WNK3: variants seen among roughly 807,000 people sequenced by gnomAD.
WNK3 encodes serine/threonine-protein kinase WNK3.
In WNK3, 18 loss-of-function variants were observed where a neutral mutation model predicts 116.7. That is an observed-to-expected ratio of 0.15 (90% CI 0.11 to 0.23). WNK3 has a LOEUF of 0.23. Ranked by LOEUF, WNK3 falls within the 10% of genes least tolerant of loss-of-function variation. The pLI, the probability that WNK3 is intolerant of heterozygous loss-of-function variation, is 1.00. For synonymous variants in WNK3, 404 were observed against 469.4 expected (o/e 0.86, Z 1.80); for missense variants, 993 against 1,323.8 (o/e 0.75, Z 3.88).
chrX:54,321,196 CA>C (rs1557172163), intron 2 of WNK3, among the ~76,000 whole-genome samples: 1 of 111,864 alleles, frequency 8.9e-6, no homozygotes, highest in African/African-American at 3.2e-5. Flanking sequence ...CGCCCCCAGC[CA>C]ATGTTTTATT....
chrX:54,214,962 A>G (rs2067666566), intron 22 of WNK3, among the ~76,000 whole-genome samples: 1 of 107,975 alleles, frequency 9.3e-6, no homozygotes, highest in Non-Finnish European at 1.9e-5. Flanking sequence ...GCAGTGAGCC[A>G]AGATCACGCC....
chrX:54,273,689 C>T (rs1557159943), intron 10 of WNK3, among the ~76,000 whole-genome samples: 1 of 111,733 alleles, frequency 8.9e-6, no homozygotes, highest in Non-Finnish European at 1.9e-5. Flanking sequence ...ATATGGAAAC[C>T]AAAGCTTCAA....
At chrX:54,286,208 A>C (rs189141552) in intron 10 of WNK3, among the ~76,000 whole-genome samples, 157 of 110,411 alleles carry the variant, frequency 1.4e-3, no homozygotes, top group East Asian at 3.9e-3. Context: ...AACAAACAAA[A>C]AAAAAAAGGT....
intron 10 of WNK3, among the ~76,000 whole-genome samples, chrX:54,275,325 T>C (rs782562084): frequency 2.8e-5 from 3 of 107,990 alleles, no homozygotes; most frequent in African/African-American, 1.0e-4. Context: ...CAGAAAAAAG[T>C]GGGAGTGGTA....
intron 10 of WNK3, among the ~76,000 whole-genome samples, chrX:54,276,322 G>A (rs1368561234): frequency 9.1e-6 from 1 of 109,927 alleles, no homozygotes; most frequent in Non-Finnish European, 1.9e-5. Flanking sequence ...GTGACAGAGC[G>A]AGACTCTGTC....
chrX:54,232,751 A>G, intron 21 of WNK3, 58 bp downstream of exon 21: 2 of 966,823 alleles, frequency 2.1e-6, no homozygotes, highest in Non-Finnish European at 2.9e-6. Context: ...TAATCATTTT[A>G]CTAATTTTGC....
At chrX:54,242,888 C>A (rs782334864) in intron 17 of WNK3, among the ~76,000 whole-genome samples, 1 of 111,916 alleles carries the variant, frequency 8.9e-6, no homozygotes, top group Admixed American at 9.5e-5. Flanking sequence ...ACCATCAAGA[C>A]AGTGAAAAGA....
rs1006114774 is a variant in WNK3, at chrX:54,293,053, G to C, written c.1888-16C>G. On this transcript the variant is annotated splice_polypyrimidine_tract_variant and intron_variant, in intron 9 of 23. Transcript: ENST00000354646. ...GCTTCTGTAACTGTTAAAATAAGGG[G>C]AAAAAAAGATTAAAGATAAACTTTC... 8.4e-7 allele frequency: 1 copy of C among 1,195,781 alleles called. No individual in the cohort carries two copies. Among genetic ancestry groups the C allele is most frequent in the African/African-American group, 1.8e-5 (1 of 55,886 alleles).
intron 22 of WNK3, among the ~76,000 whole-genome samples, chrX:54,206,948 G>C (rs1569535055): frequency 9.0e-6 from 1 of 111,297 alleles, no homozygotes; most frequent in East Asian, 2.8e-4. Flanking sequence ...AGAATTGCTT[G>C]AACCTGGGAG....
intron 10 of WNK3, among the ~76,000 whole-genome samples, chrX:54,285,863 G>T (rs192645519): frequency 2.1e-3 from 235 of 112,052 alleles, no homozygotes; most frequent in Non-Finnish European, 3.6e-3. Context: ...TCTAGTCAAT[G>T]ATATGTATTT....
intron 20 of WNK3, among the ~76,000 whole-genome samples, chrX:54,233,261 TA>T (rs782394068): frequency 0.044 from 3,399 of 76,842 alleles, 155 homozygotes; most frequent in African/African-American, 0.13. Context: ...CCTATCTCTC[TA>T]AAAAAAAAAA....
Position 54,352,592 on chromosome X carries a change from A to T in WNK3, c.-120+5094T>A, listed in dbSNP as rs2069532121. The stretch of plus-strand genomic sequence containing the variant: ...CTACTCAGGAGGCTGAGGTGGGAAG[A>T]TTGCCTCAGCCTGGGTGGTTGAAAC... On this transcript the variant is annotated intron_variant, in intron 1 of 23. Coordinates refer to ENST00000354646, the Ensembl canonical transcript of WNK3. 2.7e-5 allele frequency among the ~76,000 whole-genome samples: 3 copies of T among 111,268 alleles called. No homozygotes were observed. The Admixed American group carries it at 2.9e-4, about 11-fold the overall frequency.
intron 2 of WNK3, among the ~76,000 whole-genome samples, chrX:54,330,175 C>A (rs1000744768): frequency 1.8e-5 from 2 of 111,013 alleles, no homozygotes; most frequent in Non-Finnish European, 3.8e-5. Context: ...AGTTCGAGAC[C>A]AGCCTGGCCA....
At chrX:54,315,643 A>G (rs2068945639) in intron 2 of WNK3, among the ~76,000 whole-genome samples, 1 of 111,916 alleles carries the variant, frequency 8.9e-6, no homozygotes, top group African/African-American at 3.2e-5. Flanking sequence ...AGGTGCATGT[A>G]AGATTCTTTT....
In WNK3 at chrX:54,297,164, G is replaced by A. The variant is rs146129989; in HGVS notation, c.1398+1011C>T. ...CTCTCCTGGGACTCTTCACCTAATT[G>A]TACCAATACTGCCCCTTCCCACCAA... On this transcript the variant is annotated intron_variant, in intron 7 of 23. Coordinates refer to ENST00000354646, the Ensembl canonical transcript of WNK3. Among the ~76,000 whole-genome samples, 366 of 111,337 alleles carry A rather than the reference G, an allele frequency of 3.3e-3. 4 individuals are homozygous for A. The highest frequency in any genetic ancestry group is 0.011 in the African/African-American group (347 of 30,680).
At chrX:54,282,074 C>G (rs2147070178) in intron 10 of WNK3, among the ~76,000 whole-genome samples, 1 of 107,204 alleles carries the variant, frequency 9.3e-6, no homozygotes, top group South Asian at 4.2e-4. Flanking sequence ...GGGTCTTGCT[C>G]TGTTGCCCAG....
chrX:54,333,010 T>A (rs2069190654), intron 2 of WNK3, 127 bp downstream of exon 2: 1 of 474,991 alleles, frequency 2.1e-6, no homozygotes, highest in Admixed American at 3.9e-5. Flanking sequence ...GACCATAATT[T>A]CTAGGATGTG....
At chrX:54,204,832 C>T (rs186178052) in intron 22 of WNK3, among the ~76,000 whole-genome samples, 178 of 112,240 alleles carry the variant, frequency 1.6e-3, no homozygotes, top group African/African-American at 5.6e-3. Context: ...TTTGCCTATC[C>T]GTCTTCTCTT....
intron 22 of WNK3, among the ~76,000 whole-genome samples, chrX:54,213,453 C>G (rs1317242375): frequency 9.6e-6 from 1 of 104,454 alleles, no homozygotes; most frequent in African/African-American, 3.6e-5. Context: ...ACTCGGGAGG[C>G]TGAGGCAGGA....
Sources: allele counts gnomAD v4.1 joint callset (sites outside exome capture counted in the v4.1 genomes callset), GRCh38; gene constraint gnomAD v4.1.1; transcripts MANE v1.5; gene names NCBI Gene and HGNC (gene_info 2026-07-23, HGNC 2026-07-21).